The following TUBGCP3 variants were observed in gnomAD, a reference collection of about 807,000 sequenced individuals.
TUBGCP3 encodes the protein gamma-tubulin complex component 3.
TUBGCP3 carries 50 observed loss-of-function variants against 123.1 expected under a neutral mutation model. That is an observed-to-expected ratio of 0.41 (90% CI 0.32 to 0.51). The LOEUF (loss-of-function observed/expected upper bound fraction) is 0.51. Among genes scored for constraint, TUBGCP3 ranks in the 20% least tolerant of loss-of-function variants. TUBGCP3 has a pLI of 0.36. For missense variants in TUBGCP3, 882 were observed against 1,127.0 expected, an observed-to-expected ratio of 0.78 and a Z score of 3.11; for synonymous variants, 405 against 413.9, an observed-to-expected ratio of 0.98 and a Z score of 0.26.
At chr13:112,540,991 T>G (rs1878475421) in intron 11 of TUBGCP3, among the ~76,000 whole-genome samples, 1 of 152,116 alleles carries the variant, frequency 6.6e-6, no homozygotes, top group Admixed American at 6.5e-5. Flanking sequence ...TTCAAAAAAG[T>G]TTCCCAAATT....
chr13:112,487,053 A>ATATG (rs1555335838), intron 21 of TUBGCP3, among the ~76,000 whole-genome samples: 5 of 147,412 alleles, frequency 3.4e-5, no homozygotes, highest in African/African-American at 1.3e-4. Flanking sequence ...AACACTGTGT[A>ATATG]TGTGTGTGTG....
chr13:112,541,528 C>G (rs989872257), intron 11 of TUBGCP3, among the ~76,000 whole-genome samples: 1 of 123,806 alleles, frequency 8.1e-6, no homozygotes, highest in Non-Finnish European at 1.6e-5. Flanking sequence ...GGCGGCAGAG[C>G]AAGACTCCGT....
Position 112,587,898 on chromosome 13 carries a change from ACT to A in TUBGCP3, c.76+5_76+6del. On this transcript the variant is annotated splice_donor_5th_base_variant and intron_variant, in intron 1 of 21. Transcript: ENST00000261965. ...TCTGCGGGCTTCGCGTCGCCCGGCCACTCTACCTTCGCTCCTGCCCAGGATCC... is the reference window on the plus strand; with the variant it reads ...TCTGCGGGCTTCGCGTCGCCCGGCCACTACCTTCGCTCCTGCCCAGGATCC... The A allele has an allele frequency of 6.3e-7, 1 of 1,587,068 alleles. No individual in the cohort carries two copies. The highest frequency in any genetic ancestry group is 8.6e-7 in the Non-Finnish European group (1 of 1,168,896).
intron 2 of TUBGCP3, among the ~76,000 whole-genome samples, chr13:112,566,628 A>C (rs1201005434): frequency 6.6e-6 from 1 of 152,254 alleles, no homozygotes; most frequent in Non-Finnish European, 1.5e-5. Flanking sequence ...CTGTATTTAC[A>C]ACATATAAAT....
At chr13:112,487,318 C>T (rs1879751689) in intron 21 of TUBGCP3, among the ~76,000 whole-genome samples, 2 of 152,074 alleles carry the variant, frequency 1.3e-5, no homozygotes, top group African/African-American at 4.8e-5. Flanking sequence ...TCGCTGGCAC[C>T]GCCACAGAGA....
At chr13:112,503,141 G>A (rs137957646) in intron 19 of TUBGCP3, among the ~76,000 whole-genome samples, 90 of 152,292 alleles carry the variant, frequency 5.9e-4, no homozygotes, top group African/African-American at 2.1e-3. Context: ...CATCCGTGAA[G>A]TCTCGGAGTT....
At chr13:112,558,470 A>C (rs1401361711) in intron 4 of TUBGCP3, 57 bp from the exon 5 acceptor site, 3 of 1,411,576 alleles carry the variant, frequency 2.1e-6, no homozygotes, top group Non-Finnish European at 2.8e-6. Context: ...AGTCTTCCCA[A>C]ACCTAAAAAG....
chr13:112,494,014 G>C (rs1880350119), intron 20 of TUBGCP3, among the ~76,000 whole-genome samples: 1 of 151,310 alleles, frequency 6.6e-6, no homozygotes, highest in African/African-American at 2.4e-5. Flanking sequence ...AACAGGGCCT[G>C]GTGTCCCTGA....
rs777549809 is a variant in TUBGCP3, at chr13:112,554,181, G to T, written c.842C>A (p.Ala281Glu). The change falls in exon 8 of 22, where the codon GCA becomes GAA. Residue 281 changes from alanine to glutamate, a missense_variant and splice_region_variant. Coordinates refer to ENST00000261965, the MANE Select transcript of TUBGCP3 (RefSeq NM_006322.6). ...TENCYKVEGK[A>E]NLSRSLRDTA... ...GTCTCTCAAAGACCTACTTAGATTTGCCTAAAAAGTAAATACATCAAATGT... is the reference window on the plus strand; with the variant it reads ...GTCTCTCAAAGACCTACTTAGATTTTCCTAAAAAGTAAATACATCAAATGT... The T allele has an allele frequency of 6.2e-7, 1 of 1,612,472 alleles. No homozygotes were observed. The highest frequency in any genetic ancestry group is 1.7e-5 in the Admixed American group (1 of 59,586).
the TUBGCP3 span, among the ~76,000 whole-genome samples, chr13:112,601,971 A>C: frequency 6.6e-6 from 1 of 152,162 alleles, no homozygotes; most frequent in Non-Finnish European, 1.5e-5. Flanking sequence ...ATTGCTCCTT[A>C]TGCCAGGCGC....
Position 112,583,912 on chromosome 13 carries a change from G to A in TUBGCP3, c.76+3993C>T, listed in dbSNP as rs764129752. ...AGAGTAACTTATCACGCATTTTAATGTTTCGGATGCCAAGCTCCAACAGAC... is the reference window on the plus strand; with the variant it reads ...AGAGTAACTTATCACGCATTTTAATATTTCGGATGCCAAGCTCCAACAGAC... On this transcript the variant is annotated intron_variant, in intron 1 of 21. Transcript: ENST00000261965. 2 of 152,370 alleles carry A rather than the reference G, an allele frequency of 1.3e-5. 1 individual carries two copies. The highest frequency in any genetic ancestry group is 2.9e-5 in the Non-Finnish European group (2 of 68,104). 9.4% of individuals were successfully genotyped at this position (152,370 alleles called of 1,614,324 possible).
At chr13:112,536,161 T>C (rs866922884) in intron 11 of TUBGCP3, among the ~76,000 whole-genome samples, 2 of 152,262 alleles carry the variant, frequency 1.3e-5, no homozygotes, top group African/African-American at 2.4e-5. Flanking sequence ...CCTTGCATTG[T>C]AGCATGTTTT....
At chr13:112,495,135 C>T (rs531524618) in intron 20 of TUBGCP3, among the ~76,000 whole-genome samples, 1 of 152,270 alleles carries the variant, frequency 6.6e-6, no homozygotes, top group South Asian at 2.1e-4. Flanking sequence ...AGACATTTTG[C>T]CCAGACCAAT....
At chr13:112,560,423 C>A (rs1022581284) in intron 3 of TUBGCP3, among the ~76,000 whole-genome samples, 2 of 151,300 alleles carry the variant, frequency 1.3e-5, no homozygotes, top group Non-Finnish European at 3.0e-5. Context: ...GAGCGAGACT[C>A]CGTCTCAAAA....
At chr13:112,535,773 T>C (rs533325337) in intron 11 of TUBGCP3, among the ~76,000 whole-genome samples, 1 of 152,352 alleles carries the variant, frequency 6.6e-6, no homozygotes, top group South Asian at 2.1e-4. Flanking sequence ...TAGTTTTTAT[T>C]TTGATAAAGC....
intron 10 of TUBGCP3, 111 bp downstream of exon 10, chr13:112,547,509 T>C (rs1879116966): frequency 1.5e-6 from 2 of 1,332,520 alleles, no homozygotes; most frequent in South Asian, 4.6e-5. Context: ...CAGACGCGCG[T>C]GGGAAAGACG....
intron 21 of TUBGCP3, among the ~76,000 whole-genome samples, chr13:112,487,911 C>G (rs1355434326): frequency 6.6e-6 from 1 of 151,988 alleles, no homozygotes; most frequent in Non-Finnish European, 1.5e-5. Flanking sequence ...GCGGGTGGAT[C>G]ACTTGAGGTC....
Position 112,554,876 on chromosome 13 carries a change from T to C in TUBGCP3, c.840+11A>G, listed in dbSNP as rs755607469. 5.9e-5 allele frequency: 91 copies of C among 1,544,290 alleles called. No homozygotes were observed. The highest frequency in any genetic ancestry group is 7.9e-5 in the Non-Finnish European group (90 of 1,133,892). ...TCTGAATATTTTAACTTAGATTTTA[T>C]GTTACTGTACCTTTCCTTCTACTTT... On this transcript the variant is annotated intron_variant, in intron 7 of 21. Transcript: ENST00000261965.
chr13:112,543,035 A>T lies in TUBGCP3; in HGVS notation c.1335+2664T>A, dbSNP rs1218604534. Among the ~76,000 whole-genome samples the T allele has an allele frequency of 7.2e-5, 11 of 152,300 alleles. No homozygotes were observed. The East Asian group carries it at 2.1e-3, about 29-fold the overall frequency. On this transcript the variant is annotated intron_variant, in intron 11 of 21. Transcript: ENST00000261965. ...CGTAGCAGCGTGCGCCTGTAGTTCC[A>T]GCTACTTGGGAGGCTGAGGCAGGAG... is the stretch of plus-strand genomic sequence containing the variant.
Sources: allele counts gnomAD v4.1 joint callset (sites outside exome capture counted in the v4.1 genomes callset), GRCh38; gene constraint gnomAD v4.1.1; transcripts MANE v1.5; gene names NCBI Gene and HGNC (gene_info 2026-07-23, HGNC 2026-07-21).